BCKDHB: variants seen among roughly 807,000 people sequenced by gnomAD.
BCKDHB encodes the protein branched chain keto acid dehydrogenase E1 subunit beta.
Under a neutral mutation model 48.5 loss-of-function variants are expected in BCKDHB, and 41 were observed. The observed-to-expected ratio is 0.85, with a 90% CI of 0.66 to 1.10. The LOEUF (loss-of-function observed/expected upper bound fraction) is 1.10, where lower values mean the gene tolerates loss of function less well. BCKDHB is among the 50% of genes least tolerant of loss of function. BCKDHB has a pLI of 0.00. For synonymous variants in BCKDHB, 201 were observed against 174.8 expected (o/e 1.15, Z -1.18); for missense variants, 496 against 494.2 (o/e 1.00, Z -0.03).
chr6:80,421,629 C>T, the BCKDHB span, among the ~76,000 whole-genome samples: 262 of 152,272 alleles, frequency 1.7e-3, no homozygotes, highest in African/African-American at 5.8e-3. Flanking sequence ...TCAGATGGAA[C>T]TTATTGGGAA....
rs1202365275 is a variant in BCKDHB at position 80,343,770 on chromosome 6, G to A, written c.1145G>A (p.Cys382Tyr). 6.2e-7 allele frequency: 1 copy of A among 1,613,812 alleles called. No individual in the cohort carries two copies. The highest frequency in any genetic ancestry group is 8.5e-7 in the Non-Finnish European group (1 of 1,179,968). The change falls in exon 10 of 10, where the codon TGT (cysteine) becomes TAT (tyrosine). Residue 382 changes from cysteine (C) to tyrosine (Y), a missense_variant. Physicochemically the swap from Cys to Tyr is radical, Grantham distance 194 (BLOSUM62 -2). Transcript: ENST00000320393. ...TTCTACATCCCAGACAAATGGAAGT[G>A]TTATGATGCCCTTCGAAAAATGATC... ...EPFYIPDKWKCYDALRKMINY is the reference protein window; with the variant it reads ...EPFYIPDKWKYYDALRKMINY
the BCKDHB span, among the ~76,000 whole-genome samples, chr6:80,377,553 C>A: frequency 6.6e-6 from 1 of 152,266 alleles, no homozygotes; most frequent in African/African-American, 2.4e-5. Context: ...TCATTTCATT[C>A]TTTTGCATGC....
intron 1 of BCKDHB, among the ~76,000 whole-genome samples, chr6:80,109,914 G>A (rs1769324894): frequency 6.6e-6 from 1 of 152,138 alleles, no homozygotes; most frequent in Non-Finnish European, 1.5e-5. Context: ...CAGAGCCAGA[G>A]TTTGAATCCT....
chr6:80,365,838 T>A, the BCKDHB span, among the ~76,000 whole-genome samples: 1 of 152,316 alleles, frequency 6.6e-6, no homozygotes, highest in South Asian at 2.1e-4. Flanking sequence ...TATGTTCCTC[T>A]GCTGTGGCTC....
At chr6:80,287,624 A>G (rs1421454066) in intron 9 of BCKDHB, among the ~76,000 whole-genome samples, 1 of 152,172 alleles carries the variant, frequency 6.6e-6, no homozygotes, top group Non-Finnish European at 1.5e-5. Flanking sequence ...CTCAGCAAAG[A>G]GATGGGTCCT....
chr6:80,231,770 G>A (rs1212525214), intron 8 of BCKDHB, among the ~76,000 whole-genome samples: 5 of 152,184 alleles, frequency 3.3e-5, no homozygotes, highest in Admixed American at 1.3e-4. Flanking sequence ...TTTGAGACCA[G>A]CCTGACCAAC....
At chr6:80,251,480 A>C (rs757998107) in intron 8 of BCKDHB, among the ~76,000 whole-genome samples, 7 of 152,182 alleles carry the variant, frequency 4.6e-5, no homozygotes, top group African/African-American at 7.2e-5. Context: ...TATTATTTGT[A>C]AGCAAGTGCT....
chr6:80,412,177 A>C, the BCKDHB span, among the ~76,000 whole-genome samples: 6 of 138,412 alleles, frequency 4.3e-5, no homozygotes, highest in Non-Finnish European at 6.1e-5. Flanking sequence ...ACAGAATCTC[A>C]CTGTCACCCA....
chr6:80,110,161 C>T (rs1769338420), intron 1 of BCKDHB, among the ~76,000 whole-genome samples: 2 of 152,196 alleles, frequency 1.3e-5, no homozygotes, highest in Admixed American at 1.3e-4. Flanking sequence ...CCCTTTATTA[C>T]ACTGTGTTGT....
At chr6:80,196,554 A>G (rs1202220404) in intron 6 of BCKDHB, among the ~76,000 whole-genome samples, 2 of 152,158 alleles carry the variant, frequency 1.3e-5, no homozygotes, top group Non-Finnish European at 2.9e-5. Context: ...CAGTTTTTCA[A>G]TTCATATTCC....
At chr6:80,264,798 A>T (rs150051964) in intron 8 of BCKDHB, among the ~76,000 whole-genome samples, 5 of 152,138 alleles carry the variant, frequency 3.3e-5, no homozygotes, top group Admixed American at 3.3e-4. Flanking sequence ...TTTCTTTCCA[A>T]TCCTCAAAGG....
chr6:80,350,680 G>A (rs561353243), downstream of BCKDHB, among the ~76,000 whole-genome samples: 2 of 152,186 alleles, frequency 1.3e-5, no homozygotes, highest in South Asian at 4.1e-4. Flanking sequence ...TTCTTGCTGA[G>A]CCCTATTTGG....
At chr6:80,233,213 C>T (rs1776007505) in intron 8 of BCKDHB, among the ~76,000 whole-genome samples, 2 of 152,150 alleles carry the variant, frequency 1.3e-5, no homozygotes, top group Admixed American at 1.3e-4. Flanking sequence ...TGTCCTAATT[C>T]CAGGAACGGA....
At chr6:80,374,157 G>A in the BCKDHB span, 3 of 715,256 alleles carry the variant, frequency 4.2e-6, no homozygotes, top group South Asian at 4.0e-5. Context: ...GCTCATGTAT[G>A]GGTTAATCCG....
chr6:80,302,726 A>G (rs770666296), intron 9 of BCKDHB, among the ~76,000 whole-genome samples: 6 of 152,200 alleles, frequency 3.9e-5, no homozygotes, highest in Non-Finnish European at 7.4e-5. Context: ...GCACTTATCC[A>G]TTTGTTTAGC....
chr6:80,107,218 C>T (rs1270923447), intron 1 of BCKDHB, among the ~76,000 whole-genome samples: 1 of 151,314 alleles, frequency 6.6e-6, no homozygotes, highest in Non-Finnish European at 1.5e-5. Context: ...CTTGCTTTCT[C>T]AACCCAGGCC....
At chr6:80,251,940 A>G (rs781641972) in intron 8 of BCKDHB, among the ~76,000 whole-genome samples, 1 of 152,168 alleles carries the variant, frequency 6.6e-6, no homozygotes, top group Non-Finnish European at 1.5e-5. Flanking sequence ...ATATAAACAA[A>G]TGGAGAATAT....
intron 9 of BCKDHB, among the ~76,000 whole-genome samples, chr6:80,311,284 C>A (rs1768144319): frequency 6.6e-6 from 1 of 152,120 alleles, no homozygotes; most frequent in African/African-American, 2.4e-5. Flanking sequence ...TCCATTAAAC[C>A]TCTTTGTTTT....
the BCKDHB span, among the ~76,000 whole-genome samples, chr6:80,394,300 CTGAG>C: frequency 6.6e-6 from 1 of 152,062 alleles, no homozygotes; most frequent in Non-Finnish European, 1.5e-5. Flanking sequence ...ATCATTTTGA[CTGAG>C]TTTTAAATTT....
Sources: gnomAD v4.1 joint callset for allele counts (sites outside exome capture counted in the v4.1 genomes callset) on GRCh38, gnomAD v4.1.1 for gene constraint, MANE v1.5 for transcripts, NCBI Gene and HGNC (gene_info 2026-07-23, HGNC 2026-07-21) for gene names.